Variants in RSU1 observed in about 807,000 individuals in gnomAD.
RSU1 encodes rsu-1.
In RSU1, 26 loss-of-function variants were observed where a neutral mutation model predicts 31.1. The observed-to-expected ratio is 0.84, with a 90% CI of 0.61 to 1.16. The LOEUF (loss-of-function observed/expected upper bound fraction) is 1.16. Ranked by LOEUF, RSU1 falls within the 50% of genes most tolerant of loss-of-function variation. RSU1 has a pLI of 0.00. For missense variants in RSU1, 320 were observed against 339.1 expected (o/e 0.94, Z 0.44); for synonymous variants, 164 against 136.3 (o/e 1.20, Z -1.41).
Position 16,593,442 on chromosome 10 carries a change from G to T in RSU1, c.786C>A (p.Asp262Glu). Residue 262 changes from aspartate (D) to glutamate (E), a missense_variant, in exon 9 of 9, where the codon GAC (aspartate) becomes GAA (glutamate). Coordinates refer to ENST00000345264, the MANE Select transcript of RSU1 (RefSeq NM_012425.4). ...ANPEPPKKNN[D>E]KSKKISRKPL... The stretch of plus-strand genomic sequence containing the variant: ...GTTTCCGGCTGATCTTTTTCGATTT[G>T]TCATTATTCTTCTTCGGTGGTTCTG... 6.2e-7 allele frequency: 1 copy of T among 1,614,074 alleles called. No homozygotes were observed.
intron 2 of RSU1, among the ~76,000 whole-genome samples, chr10:16,783,985 G>C (rs1281130482): frequency 6.6e-6 from 1 of 152,148 alleles, no homozygotes; most frequent in African/African-American, 2.4e-5. Flanking sequence ...GGTCTTTGTC[G>C]TCTCCTCTAA....
intron 8 of RSU1, among the ~76,000 whole-genome samples, chr10:16,671,188 G>A (rs916526161): frequency 3.3e-5 from 5 of 152,100 alleles, no homozygotes; most frequent in African/African-American, 9.7e-5. Flanking sequence ...ATCAACCTAG[G>A]TGCCCATCAA....
chr10:16,714,467 C>A (rs1397265757), intron 7 of RSU1, among the ~76,000 whole-genome samples: 1 of 152,204 alleles, frequency 6.6e-6, no homozygotes, highest in African/African-American at 2.4e-5. Context: ...GAGGCTGCCA[C>A]AGGACCAACA....
At chr10:16,594,835 A>T (rs1833584727) in intron 8 of RSU1, among the ~76,000 whole-genome samples, 1 of 139,884 alleles carries the variant, frequency 7.1e-6, no homozygotes, top group African/African-American at 2.7e-5. Context: ...CCCAGGCTGG[A>T]GTGCAGTGGT....
At chr10:16,815,804 G>T (rs528608969) in intron 2 of RSU1, among the ~76,000 whole-genome samples, 217 of 152,310 alleles carry the variant, frequency 1.4e-3, no homozygotes, top group Non-Finnish European at 2.5e-3. Context: ...TACACAGGTG[G>T]TGATGTCTAA....
At chr10:16,714,342 T>G (rs72774625) in intron 7 of RSU1, among the ~76,000 whole-genome samples, 8,268 of 152,116 alleles carry the variant, frequency 0.054, 381 homozygotes, top group African/African-American at 0.13. Flanking sequence ...CAGTGTGAAA[T>G]GGGGTTGGGC....
intron 2 of RSU1, among the ~76,000 whole-genome samples, chr10:16,792,804 T>C (rs1287275276): frequency 6.6e-6 from 1 of 152,204 alleles, no homozygotes; most frequent in Non-Finnish European, 1.5e-5. Context: ...CCATTTTGGT[T>C]CCCTGGTGGA....
At chr10:16,706,658 C>T (rs1402243199) in intron 7 of RSU1, among the ~76,000 whole-genome samples, 2 of 152,140 alleles carry the variant, frequency 1.3e-5, no homozygotes, top group African/African-American at 2.4e-5. Context: ...TGATACCTAT[C>T]TATGCTATAT....
At chr10:16,785,804 G>T (rs1052564426) in intron 2 of RSU1, among the ~76,000 whole-genome samples, 1 of 151,760 alleles carries the variant, frequency 6.6e-6, no homozygotes, top group Non-Finnish European at 1.5e-5. Flanking sequence ...CTTTGATCGC[G>T]TAAGTCTGCC....
intron 2 of RSU1, among the ~76,000 whole-genome samples, chr10:16,807,065 G>C (rs1006522067): frequency 6.6e-6 from 1 of 152,196 alleles, no homozygotes; most frequent in Non-Finnish European, 1.5e-5. Context: ...GATTACAGCA[G>C]GCATGAGCCA....
chr10:16,716,868 C>T (rs1442411252), intron 7 of RSU1, among the ~76,000 whole-genome samples: 3 of 152,130 alleles, frequency 2.0e-5, no homozygotes, highest in Non-Finnish European at 2.9e-5. Flanking sequence ...AGACTGATTT[C>T]ATCACTGTGC....
At chr10:16,733,723 C>T (rs773303326) in intron 7 of RSU1, among the ~76,000 whole-genome samples, 2 of 152,150 alleles carry the variant, frequency 1.3e-5, no homozygotes, top group South Asian at 2.1e-4. Context: ...CGTATATATA[C>T]TGAACATGCA....
At chr10:16,665,669 A>C (rs771655087) in intron 8 of RSU1, among the ~76,000 whole-genome samples, 3 of 152,198 alleles carry the variant, frequency 2.0e-5, no homozygotes, top group Admixed American at 6.5e-5. Flanking sequence ...TTTATTCCTT[A>C]AAAAAACTGC....
intron 2 of RSU1, among the ~76,000 whole-genome samples, chr10:16,802,213 C>A (rs76077908): frequency 1.2e-4 from 18 of 147,160 alleles, no homozygotes; most frequent in African/African-American, 9.9e-5. Context: ...AAAGAACGAA[C>A]AAATTACAAA....
At chr10:16,626,170 G>C (rs1337875571) in intron 8 of RSU1, among the ~76,000 whole-genome samples, 1 of 151,680 alleles carries the variant, frequency 6.6e-6, no homozygotes, top group African/African-American at 2.4e-5. Flanking sequence ...CTCGCCTCCT[G>C]AATAGCTGGG....
Position 16,742,855 on chromosome 10 carries a change from A to G in RSU1, c.598+9684T>C, listed in dbSNP as rs534108590. Among the ~76,000 whole-genome samples, 20 of 152,334 alleles carry G rather than the reference A, an allele frequency of 1.3e-4. No homozygotes were observed. The South Asian group carries it at 3.5e-3, about 27-fold the overall frequency. ...GCAACTTCCCAACCCCTTTAAGGCA[A>G]TAACTCACCAGGCAGAAATACAATT... On this transcript the variant is annotated intron_variant, in intron 7 of 8. Transcript: ENST00000345264.
chr10:16,728,200 C>T (rs1006361953), intron 7 of RSU1, among the ~76,000 whole-genome samples: 2 of 152,140 alleles, frequency 1.3e-5, no homozygotes, highest in Non-Finnish European at 2.9e-5. Context: ...CTGTCATTTA[C>T]TCCTGTTACA....
intron 8 of RSU1, among the ~76,000 whole-genome samples, chr10:16,618,855 A>G (rs1322028858): frequency 6.6e-6 from 1 of 152,194 alleles, no homozygotes; most frequent in Non-Finnish European, 1.5e-5. Flanking sequence ...AAGGGAGAAC[A>G]TTAGTACAAA....
chr10:16,690,130 C>CTG (rs573852656), intron 8 of RSU1, among the ~76,000 whole-genome samples: 36 of 152,180 alleles, frequency 2.4e-4, no homozygotes, highest in African/African-American at 7.7e-4. Flanking sequence ...TTCAACTTGA[C>CTG]TGCCTCTCCT....
Sources: gnomAD v4.1 joint callset for allele counts (sites outside exome capture counted in the v4.1 genomes callset) on GRCh38, gnomAD v4.1.1 for gene constraint, MANE v1.5 for transcripts, NCBI Gene and HGNC (gene_info 2026-07-23, HGNC 2026-07-21) for gene names.